The following EBF2 variants were observed in gnomAD, a reference collection of about 807,000 sequenced individuals.
The protein encoded by EBF2 is transcription factor COE2.
A neutral mutation model predicts 72.8 loss-of-function variants in EBF2; 21 were observed. The observed-to-expected ratio is 0.29, with a 90% CI of 0.20 to 0.42. The LOEUF (loss-of-function observed/expected upper bound fraction) is 0.42, where lower values mean the gene tolerates loss of function less well. Ranked by LOEUF, EBF2 falls within the 10% of genes least tolerant of loss-of-function variation. EBF2 has a pLI of 1.00. For missense variants in EBF2, 637 were observed against 731.2 expected (o/e 0.87, Z 1.49); for synonymous variants, 299 against 274.2 (o/e 1.09, Z -0.89).
At chr8:26,009,672 T>C (rs1333706581) in intron 6 of EBF2, among the ~76,000 whole-genome samples, 1 of 152,180 alleles carries the variant, frequency 6.6e-6, no homozygotes, top group Non-Finnish European at 1.5e-5. Context: ...TCTACTACAT[T>C]ATAGCGATCG....
chr8:25,917,491 A>G (rs1053846257), intron 6 of EBF2, among the ~76,000 whole-genome samples: 4 of 152,190 alleles, frequency 2.6e-5, no homozygotes, highest in African/African-American at 9.6e-5. Context: ...TTTTGGTAAA[A>G]GAAACAACCC....
chr8:25,856,611 A>C (rs1336924812), intron 14 of EBF2, among the ~76,000 whole-genome samples: 2 of 152,162 alleles, frequency 1.3e-5, no homozygotes, highest in Non-Finnish European at 2.9e-5. Flanking sequence ...AATTCATCTT[A>C]TTGTTGTCAC....
chr8:25,855,237 C>T (rs1802064098), intron 14 of EBF2, among the ~76,000 whole-genome samples: 1 of 152,136 alleles, frequency 6.6e-6, no homozygotes, highest in African/African-American at 2.4e-5. Context: ...ACATATCCTC[C>T]TTTGCATCAA....
chr8:26,041,120 A>G, intron 2 of EBF2, 118 bp from the exon 3 acceptor site: 1 of 1,191,152 alleles, frequency 8.4e-7, no homozygotes, highest in Non-Finnish European at 1.2e-6. Flanking sequence ...AGCTTTGAGT[A>G]ACCCCCTGTT....
At chr8:25,986,538 G>A (rs1032203213) in intron 6 of EBF2, among the ~76,000 whole-genome samples, 1 of 152,206 alleles carries the variant, frequency 6.6e-6, no homozygotes. Context: ...GCTTGACTGT[G>A]TGAAAATCTT....
intron 7 of EBF2, among the ~76,000 whole-genome samples, chr8:25,894,862 C>A (rs916748842): frequency 6.6e-6 from 1 of 152,134 alleles, no homozygotes; most frequent in African/African-American, 2.4e-5. Flanking sequence ...ATAAAAGGTG[C>A]CATTCGGAGG....
intron 6 of EBF2, among the ~76,000 whole-genome samples, chr8:25,914,266 G>A (rs892536329): frequency 5.9e-5 from 9 of 152,204 alleles, no homozygotes; most frequent in Non-Finnish European, 1.2e-4. Flanking sequence ...TGGTGTTCCA[G>A]TTGTAATCTA....
chr8:25,866,340 G>A (rs1290444296), intron 10 of EBF2, among the ~76,000 whole-genome samples: 1 of 150,038 alleles, frequency 6.7e-6, no homozygotes, highest in African/African-American at 2.4e-5. Flanking sequence ...ATTTATCATG[G>A]TTCAATAAGG....
At chr8:25,968,353 TA>T (rs1563195560) in intron 6 of EBF2, among the ~76,000 whole-genome samples, 1 of 152,144 alleles carries the variant, frequency 6.6e-6, no homozygotes, top group Non-Finnish European at 1.5e-5. Flanking sequence ...TATTCAGCCT[TA>T]AAAATGAAGG....
chr8:25,885,622 G>A (rs923690706), intron 10 of EBF2, among the ~76,000 whole-genome samples: 2 of 152,132 alleles, frequency 1.3e-5, no homozygotes, highest in African/African-American at 4.8e-5. Context: ...GTTGAATCAT[G>A]AGGGCAGTTT....
intron 6 of EBF2, among the ~76,000 whole-genome samples, chr8:25,987,949 G>T (rs1804488212): frequency 6.6e-6 from 1 of 152,106 alleles, no homozygotes; most frequent in African/African-American, 2.4e-5. Flanking sequence ...AATTTGCTAG[G>T]TTTTTTATAG....
intron 6 of EBF2, among the ~76,000 whole-genome samples, chr8:25,914,121 C>T (rs920370043): frequency 6.6e-6 from 1 of 152,148 alleles, no homozygotes; most frequent in African/African-American, 2.4e-5. Context: ...GACTGAGAAG[C>T]CTACTGGGTG....
At chr8:25,938,985 C>T (rs1301565662) in intron 6 of EBF2, among the ~76,000 whole-genome samples, 4 of 152,062 alleles carry the variant, frequency 2.6e-5, no homozygotes, top group Non-Finnish European at 5.9e-5. Context: ...ACCTGGGAAC[C>T]CCTCCATGGA....
At chr8:25,959,876 C>T (rs765435873) in intron 6 of EBF2, among the ~76,000 whole-genome samples, 13 of 152,168 alleles carry the variant, frequency 8.5e-5, no homozygotes, top group Admixed American at 2.6e-4. Flanking sequence ...AGAAAATCAT[C>T]CCAAATACTT....
chr8:25,976,071 GTCT>G (rs2117193956), intron 6 of EBF2, among the ~76,000 whole-genome samples: 1 of 152,136 alleles, frequency 6.6e-6, no homozygotes, highest in East Asian at 1.9e-4. Flanking sequence ...TTAGTTTGGG[GTCT>G]TCTTTAAAAT....
chr8:25,933,101 G>A (rs79380391), intron 6 of EBF2, among the ~76,000 whole-genome samples: 2,088 of 152,278 alleles, frequency 0.014, 25 homozygotes, highest in Non-Finnish European at 0.024. Context: ...CTTCCAACAG[G>A]TCTCGTAGGC....
intron 5 of EBF2, among the ~76,000 whole-genome samples, chr8:26,039,409 C>T (rs745825540): frequency 5.3e-5 from 8 of 152,186 alleles, no homozygotes; most frequent in Admixed American, 1.3e-4. Flanking sequence ...CGGGTCCTCT[C>T]CCTGCCCCTC....
chr8:25,891,295 G>T (rs1263251099), intron 7 of EBF2, among the ~76,000 whole-genome samples: 1 of 151,986 alleles, frequency 6.6e-6, no homozygotes, highest in Non-Finnish European at 1.5e-5. Flanking sequence ...AGCTCCCACC[G>T]AATCACTTGA....
intron 6 of EBF2, among the ~76,000 whole-genome samples, chr8:25,972,368 C>T (rs1244034132): frequency 6.6e-6 from 1 of 152,080 alleles, no homozygotes; most frequent in Non-Finnish European, 1.5e-5. Context: ...CAGCAAACAG[C>T]ACCTTCCTTT....
Sources: allele counts gnomAD v4.1 joint callset (sites outside exome capture counted in the v4.1 genomes callset), GRCh38; gene constraint gnomAD v4.1.1; transcripts MANE v1.5; gene names NCBI Gene and HGNC (gene_info 2026-07-23, HGNC 2026-07-21).